The following CDKN2B-AS1 variants were observed in gnomAD, a reference collection of about 807,000 sequenced individuals.
CDKN2B-AS1 encodes CDKN2B and CDKN2A antisense cis and trans regulatory RNA 1.
At chr9:22,029,347 A>G (rs1488200330) in intron 1 of CDKN2B-AS1, 18 of 753,322 alleles carry the variant, frequency 2.4e-5, no homozygotes, top group South Asian at 1.4e-4. Context: ...AAGTTTATCT[A>G]ATGGGATTCC....
rs202025879 is a variant in CDKN2B-AS1 at position 22,006,755 on chromosome 9, CTTTT to C, written n.29+11601_29+11604del. ...AATAAACAACTAAGTTTTTTTCTTT[CTTTT>C]TTTTTTAATTTATTTAGTTCTCATA... On this transcript the variant is annotated intron_variant and non_coding_transcript_variant, in intron 1 of 4. Coordinates refer to ENST00000650946, the Ensembl canonical transcript of CDKN2B-AS1. The surrounding 1 kb of genome is among the most constrained non-coding windows in gnomAD (Gnocchi z 6.4). 6.8e-6 allele frequency among the ~76,000 whole-genome samples: 1 copy of C among 148,060 alleles called. No homozygotes were observed. The highest frequency in any genetic ancestry group is 2.0e-4 in the East Asian group (1 of 5,092).
At chr9:22,088,441 G>GCACACA (rs3222818) in intron 4 of CDKN2B-AS1, among the ~76,000 whole-genome samples, 73 of 149,914 alleles carry the variant, frequency 4.9e-4, no homozygotes, top group Non-Finnish European at 7.9e-4. Context: ...AAATGTGCAA[G>GCACACA]CACACACACA....
intron 4 of CDKN2B-AS1, among the ~76,000 whole-genome samples, chr9:22,064,510 C>T (rs1823957413): frequency 6.6e-6 from 1 of 152,088 alleles, no homozygotes; most frequent in African/African-American, 2.4e-5. Context: ...CGAGGGGAGG[C>T]AAATTGACTT....
At chr9:22,029,373 T>C (rs1282741982) in intron 1 of CDKN2B-AS1, 5 of 774,340 alleles carry the variant, frequency 6.5e-6, no homozygotes, top group Admixed American at 1.7e-5. Flanking sequence ...GAATGTTTAG[T>C]CTGAATCTAA....
At chr9:22,118,697 A>T (rs529104471) in intron 4 of CDKN2B-AS1, 1 of 152,248 alleles carries the variant, frequency 6.6e-6, no homozygotes, top group Non-Finnish European at 1.5e-5. Flanking sequence ...ATAAAACTTA[A>T]TCCCTTAAGT....
At chr9:22,029,728 T>A in intron 1 of CDKN2B-AS1, 1 of 417,654 alleles carries the variant, frequency 2.4e-6, no homozygotes, top group Non-Finnish European at 4.2e-6. Flanking sequence ...AAATATTTTC[T>A]TATAACTTTC....
Position 22,094,130 on chromosome 9 carries a change from A to G in CDKN2B-AS1, n.439-32973A>G, listed in dbSNP as rs1825192004. ...GGGTTGAAAATTCTTTTCTTTAAGA[A>G]TGTTGAATATTGGCCCCCACTCTCT... On this transcript the variant is annotated intron_variant and non_coding_transcript_variant, in intron 4 of 4. Transcript: ENST00000650946. Among the ~76,000 whole-genome samples, 2 of 144,278 alleles carry G rather than the reference A, an allele frequency of 1.4e-5. 1 individual carries two copies. The highest frequency in any genetic ancestry group is 2.9e-5 in the Non-Finnish European group (2 of 67,814). 94.7% of individuals were successfully genotyped at this position (144,278 alleles called of 152,430 possible).
chr9:22,064,231 C>T (rs140521629), intron 4 of CDKN2B-AS1, among the ~76,000 whole-genome samples: 1 of 152,198 alleles, frequency 6.6e-6, no homozygotes, highest in African/African-American at 2.4e-5. Flanking sequence ...TTTCTAATGA[C>T]ACAAACATAG....
At chr9:22,067,892 C>A (rs1244705156) in intron 4 of CDKN2B-AS1, among the ~76,000 whole-genome samples, 1 of 152,136 alleles carries the variant, frequency 6.6e-6, no homozygotes, top group Non-Finnish European at 1.5e-5. Flanking sequence ...TCCAAATTTG[C>A]CTTTTCTCTT....
intron 1 of CDKN2B-AS1, among the ~76,000 whole-genome samples, chr9:22,027,932 A>G (rs1413887203): frequency 6.6e-6 from 1 of 152,182 alleles, no homozygotes; most frequent in Non-Finnish European, 1.5e-5. Context: ...TGTTTTATTG[A>G]ATATGCTCCA....
In CDKN2B-AS1 at chr9:22,068,418, A is replaced by G. The variant is rs578183979; in HGVS notation, n.438+12031A>G. The stretch of plus-strand genomic sequence containing the variant: ...ACTGGGGAATTTGGAACTGAAAGAA[A>G]AATAAGATTTGATTAGGGGAAATTG... On this transcript the variant is annotated intron_variant and non_coding_transcript_variant, in intron 4 of 4. Coordinates refer to ENST00000650946, the Ensembl canonical transcript of CDKN2B-AS1. Among the ~76,000 whole-genome samples, 10 of 152,320 alleles carry G rather than the reference A, an allele frequency of 6.6e-5. No homozygotes were observed. In the South Asian group the frequency reaches 2.1e-3, roughly 32 times the overall value.
At chr9:22,055,424 ATT>A (rs1339635746) in intron 3 of CDKN2B-AS1, among the ~76,000 whole-genome samples, 1 of 152,138 alleles carries the variant, frequency 6.6e-6, no homozygotes, top group Non-Finnish European at 1.5e-5. Flanking sequence ...GCAACTTGCC[ATT>A]TTCTTAATGA....
chr9:22,095,078 T>A (rs1260839099), intron 4 of CDKN2B-AS1, among the ~76,000 whole-genome samples: 1 of 144,936 alleles, frequency 6.9e-6, no homozygotes, highest in Non-Finnish European at 1.5e-5. Flanking sequence ...GGAGGTCCAC[T>A]CCAGACGCTG....
intron 1 of CDKN2B-AS1, among the ~76,000 whole-genome samples, chr9:22,016,314 A>G (rs1213769941): frequency 6.6e-6 from 1 of 152,236 alleles, no homozygotes; most frequent in Non-Finnish European, 1.5e-5. Flanking sequence ...AAACAAATGG[A>G]AGAACATTCC....
At chr9:22,068,618 G>A (rs562877472) in intron 4 of CDKN2B-AS1, among the ~76,000 whole-genome samples, 7 of 152,170 alleles carry the variant, frequency 4.6e-5, no homozygotes, top group African/African-American at 7.2e-5. Flanking sequence ...TTCCAGTGAC[G>A]TAGTGTGTGG....
At chr9:22,020,609 T>C (rs1221391415) in intron 1 of CDKN2B-AS1, among the ~76,000 whole-genome samples, 1 of 152,206 alleles carries the variant, frequency 6.6e-6, no homozygotes, top group Non-Finnish European at 1.5e-5. Context: ...GTGGTTTTGA[T>C]TTGCATTTTT....
At chr9:22,091,166 G>A (rs191924947) in intron 4 of CDKN2B-AS1, among the ~76,000 whole-genome samples, 31 of 152,246 alleles carry the variant, frequency 2.0e-4, no homozygotes, top group Admixed American at 1.4e-3. Context: ...TGAGCGCTTT[G>A]TTCTGTTCCA....
chr9:22,053,362 T>C (rs538651171), intron 3 of CDKN2B-AS1, among the ~76,000 whole-genome samples: 1 of 152,314 alleles, frequency 6.6e-6, no homozygotes, highest in Admixed American at 6.5e-5. Flanking sequence ...TAGAAGACAG[T>C]TGGGGGCAAC....
At chr9:22,107,239 A>T (rs62555371) in intron 4 of CDKN2B-AS1, among the ~76,000 whole-genome samples, 12,376 of 152,238 alleles carry the variant, frequency 0.081, 734 homozygotes, top group Non-Finnish European at 0.13. Context: ...AGCGGCAATC[A>T]TCCTTCATTA....
Sources: gnomAD v4.1 joint callset for allele counts (sites outside exome capture counted in the v4.1 genomes callset) on GRCh38, gnomAD v4.1.1 for gene constraint, Gnocchi (gnomAD v3.1) non-coding constraint, MANE v1.5 for transcripts, NCBI Gene and HGNC (gene_info 2026-07-23, HGNC 2026-07-21) for gene names.